Variants in GLIS3 observed in about 807,000 individuals in gnomAD.
GLIS3 encodes GLIS family zinc finger 3, also known as zinc finger protein GLIS3.
In GLIS3, 53 loss-of-function variants were observed where a neutral mutation model predicts 78.6. The ratio of observed to expected loss-of-function variants is 0.67; its 90% confidence interval spans 0.54 to 0.85. The LOEUF (loss-of-function observed/expected upper bound fraction) is 0.85. Among genes scored for constraint, GLIS3 ranks in the 40% least tolerant of loss-of-function variants. The pLI is 0.00. For synonymous variants in GLIS3, 684 were observed against 509.9 expected (o/e 1.34, Z -4.60); for missense variants, 1,703 against 1,231.1 (o/e 1.38, Z -5.74).
chr9:4,276,381 GGT>G, intron 2 of GLIS3, among the ~76,000 whole-genome samples: 1 of 58,384 alleles, frequency 1.7e-5, no homozygotes, highest in Non-Finnish European at 3.5e-5. Context: ...CGGGAGGGGA[GGT>G]GAGGGGAGGG....
At chr9:3,893,212 C>T (rs943078421) in intron 7 of GLIS3, among the ~76,000 whole-genome samples, 10 of 152,136 alleles carry the variant, frequency 6.6e-5, no homozygotes, top group Admixed American at 2.6e-4. Context: ...CAATGAGGTA[C>T]GGAATTGTTT....
intron 2 of GLIS3, among the ~76,000 whole-genome samples, chr9:4,193,419 A>G (rs1226503590): frequency 6.6e-6 from 1 of 152,250 alleles, no homozygotes; most frequent in African/African-American, 2.4e-5. Flanking sequence ...TAAGAAGTCT[A>G]TAATTTTGCT....
At chr9:3,957,477 G>C (rs956548572) in intron 4 of GLIS3, among the ~76,000 whole-genome samples, 6 of 152,208 alleles carry the variant, frequency 3.9e-5, no homozygotes, top group African/African-American at 1.4e-4. Flanking sequence ...TGAACCACGA[G>C]ATGGGATTTG....
chr9:4,097,301 T>C (rs1830030135), intron 4 of GLIS3, among the ~76,000 whole-genome samples: 1 of 151,544 alleles, frequency 6.6e-6, no homozygotes, highest in South Asian at 2.1e-4. Context: ...AAAGTATGAG[T>C]GAGTCTCTGC....
intron 4 of GLIS3, among the ~76,000 whole-genome samples, chr9:3,956,897 A>T (rs1817151518): frequency 6.6e-6 from 1 of 152,058 alleles, no homozygotes; most frequent in Non-Finnish European, 1.5e-5. Context: ...TCTCAGGCAC[A>T]TCAATAACAA....
At chr9:4,097,451 A>C (rs528679663) in intron 4 of GLIS3, among the ~76,000 whole-genome samples, 11 of 152,092 alleles carry the variant, frequency 7.2e-5, no homozygotes, top group African/African-American at 2.4e-4. Context: ...TTCTCACTCT[A>C]TCCTAGAAAT....
Position 4,230,347 on chromosome 9 carries a change from G to C in GLIS3, c.388+55691C>G, listed in dbSNP as rs550720825. Reference sequence around the variant, plus strand: ...AGGGGCAACAGAGAACTGGACTTGCGAGGGGTATGAGAACCCAAACTACCA... The same window carrying C: ...AGGGGCAACAGAGAACTGGACTTGCCAGGGGTATGAGAACCCAAACTACCA... On this transcript the variant is annotated intron_variant, in intron 2 of 10. Coordinates refer to ENST00000381971, the MANE Select transcript of GLIS3 (RefSeq NM_001042413.2). Among the ~76,000 whole-genome samples, 5 of 152,304 alleles carry C rather than the reference G, an allele frequency of 3.3e-5. No homozygotes were observed. In the East Asian group the frequency reaches 9.6e-4, roughly 29 times the overall value.
At position 4,237,430 on chromosome 9, in the gene GLIS3, T is replaced by C. The variant is rs545044902; in HGVS notation, c.388+48608A>G. ...ATAACTACAGGTATTTTAACATAAA[T>C]ATGCAAAAAATAAAAAAGTAGTAGT... On this transcript the variant is annotated intron_variant, in intron 2 of 10. Coordinates refer to ENST00000381971, the MANE Select transcript of GLIS3 (RefSeq NM_001042413.2). Among the ~76,000 whole-genome samples the C allele has an allele frequency of 2.6e-5, 4 of 152,228 alleles. No individual in the cohort carries two copies. The South Asian group carries it at 6.2e-4, about 24-fold the overall frequency.
chr9:3,961,775 C>T (rs1817573534), intron 4 of GLIS3, among the ~76,000 whole-genome samples: 1 of 152,196 alleles, frequency 6.6e-6, no homozygotes, highest in African/African-American at 2.4e-5. Context: ...TCTTCGCTGA[C>T]TACCAATCAA....
chr9:4,127,980 C>A (rs923455160), intron 2 of GLIS3, among the ~76,000 whole-genome samples: 1 of 152,116 alleles, frequency 6.6e-6, no homozygotes, highest in Non-Finnish European at 1.5e-5. Flanking sequence ...TAAGGTGTAC[C>A]ATTATTTTAC....
At chr9:4,332,692 A>G (rs562555630) in intron 2 of GLIS3, among the ~76,000 whole-genome samples, 1 of 152,322 alleles carries the variant, frequency 6.6e-6, no homozygotes, top group African/African-American at 2.4e-5. Context: ...AAAGTTCTCT[A>G]ATCTTTGAGC....
At chr9:4,402,935 G>C in the GLIS3 span, among the ~76,000 whole-genome samples, 2 of 152,080 alleles carry the variant, frequency 1.3e-5, no homozygotes, top group Non-Finnish European at 2.9e-5. Flanking sequence ...CCCAAACCTA[G>C]AGAAAGATAT....
At chr9:4,264,057 GTACCCA>G (rs1348754201) in intron 2 of GLIS3, among the ~76,000 whole-genome samples, 1 of 152,034 alleles carries the variant, frequency 6.6e-6, no homozygotes, top group Admixed American at 6.5e-5. Flanking sequence ...ATCCAACCAT[GTACCCA>G]ACATCCCCAC....
At chr9:4,445,824 C>A in the GLIS3 span, among the ~76,000 whole-genome samples, 1 of 152,092 alleles carries the variant, frequency 6.6e-6, no homozygotes, top group Non-Finnish European at 1.5e-5. Context: ...AAAAGAGATG[C>A]TGGCTGCCAG....
intron 2 of GLIS3, among the ~76,000 whole-genome samples, chr9:4,148,912 T>A (rs1483730110): frequency 1.3e-5 from 2 of 152,090 alleles, no homozygotes; most frequent in Non-Finnish European, 2.9e-5. Flanking sequence ...ACTCCACACC[T>A]CACTGCACAC....
chr9:4,068,204 T>G (rs942337488), intron 4 of GLIS3, among the ~76,000 whole-genome samples: 15 of 152,140 alleles, frequency 9.9e-5, no homozygotes, highest in African/African-American at 3.4e-4. Flanking sequence ...TTAAAAACCG[T>G]TTTTATTTAA....
chr9:3,972,224 C>T (rs537580639), intron 4 of GLIS3, among the ~76,000 whole-genome samples: 3 of 152,092 alleles, frequency 2.0e-5, no homozygotes, highest in Non-Finnish European at 4.4e-5. Flanking sequence ...TCCTCTTATC[C>T]CCTCCAGTAA....
At chr9:4,298,302 C>T in intron 1 of GLIS3, 2 of 452,442 alleles carry the variant, frequency 4.4e-6, no homozygotes, top group Non-Finnish European at 8.9e-6. Context: ...TTTCGCTTCT[C>T]GCCTCCCAAA....
chr9:4,453,522 G>C, the GLIS3 span, among the ~76,000 whole-genome samples: 1 of 152,044 alleles, frequency 6.6e-6, no homozygotes, highest in Non-Finnish European at 1.5e-5. Context: ...CAAAGGATAT[G>C]AACAGACACT....
Sources: gnomAD v4.1 joint callset for allele counts (sites outside exome capture counted in the v4.1 genomes callset) on GRCh38, gnomAD v4.1.1 for gene constraint, MANE v1.5 for transcripts, NCBI Gene and HGNC (gene_info 2026-07-23, HGNC 2026-07-21) for gene names.